The following UMAD1 variants were observed in gnomAD, a reference collection of about 807,000 sequenced individuals.
UMAD1 encodes the protein UBAP1-MVB12-associated (UMA)-domain containing protein 1.
In UMAD1, 8 loss-of-function variants were observed where a neutral mutation model predicts 6.1. That is an observed-to-expected ratio of 1.30 (90% CI 0.76 to 2.35). UMAD1 has a LOEUF of 2.35. Ranked by LOEUF, UMAD1 falls within the 30% of genes most tolerant of loss-of-function variation. UMAD1 has a pLI of 0.00. For synonymous variants in UMAD1, 56 were observed against 31.4 expected (o/e 1.78, Z -2.61); for missense variants, 130 against 78.4 (o/e 1.66, Z -2.49).
intron 2 of UMAD1, among the ~76,000 whole-genome samples, chr7:7,771,129 T>C (rs1782091624): frequency 1.3e-5 from 2 of 151,418 alleles, no homozygotes; most frequent in South Asian, 4.2e-4. Context: ...TGTTAGTTTT[T>C]TTTTTTTTCT....
At chr7:7,659,833 C>G (rs186841369) in intron 1 of UMAD1, among the ~76,000 whole-genome samples, 6 of 152,016 alleles carry the variant, frequency 3.9e-5, no homozygotes, top group Admixed American at 2.6e-4. Context: ...GGTCCAGAGC[C>G]AAGTTCAAGT....
At chr7:7,806,515 C>A (rs555054491) in intron 3 of UMAD1, among the ~76,000 whole-genome samples, 1 of 152,124 alleles carries the variant, frequency 6.6e-6, no homozygotes, top group Non-Finnish European at 1.5e-5. Flanking sequence ...CATAAATGCC[C>A]TGTCAATGAT....
At chr7:7,721,850 A>G (rs549718742) in intron 2 of UMAD1, among the ~76,000 whole-genome samples, 3 of 152,160 alleles carry the variant, frequency 2.0e-5, no homozygotes, top group African/African-American at 4.8e-5. Context: ...TTCAAAGGAG[A>G]TTAATATTTG....
At chr7:7,824,509 T>A (rs759505123) in intron 3 of UMAD1, among the ~76,000 whole-genome samples, 3 of 152,172 alleles carry the variant, frequency 2.0e-5, no homozygotes, top group Admixed American at 6.6e-5. Flanking sequence ...TAGGTATCAT[T>A]CCCTGTGTGA....
intron 2 of UMAD1, among the ~76,000 whole-genome samples, chr7:7,758,640 C>G (rs188292789): frequency 6.6e-6 from 1 of 152,044 alleles, no homozygotes; most frequent in Non-Finnish European, 1.5e-5. Context: ...TTTAAAGTAC[C>G]GTTTTACTTA....
intron 3 of UMAD1, among the ~76,000 whole-genome samples, chr7:7,828,368 T>G (rs1184959608): frequency 1.3e-5 from 2 of 152,202 alleles, no homozygotes; most frequent in African/African-American, 2.4e-5. Context: ...CTCAGAAAGG[T>G]GAAAGTTTGA....
At chr7:7,760,488 A>G (rs1289040684) in intron 2 of UMAD1, among the ~76,000 whole-genome samples, 2 of 151,430 alleles carry the variant, frequency 1.3e-5, no homozygotes, top group South Asian at 4.1e-4. Context: ...TTATACACCA[A>G]TAGATAACTG....
intron 3 of UMAD1, among the ~76,000 whole-genome samples, chr7:7,806,725 TA>T (rs1197800444): frequency 6.6e-6 from 1 of 152,206 alleles, no homozygotes; most frequent in East Asian, 1.9e-4. Context: ...AAAAGTTTAA[TA>T]AATTCAGTTA....
At chr7:7,784,176 A>G (rs1040662139) in intron 2 of UMAD1, among the ~76,000 whole-genome samples, 39 of 152,118 alleles carry the variant, frequency 2.6e-4, no homozygotes, top group African/African-American at 9.2e-4. Flanking sequence ...GGAACTTTTT[A>G]AACTCTCTTT....
intron 3 of UMAD1, among the ~76,000 whole-genome samples, chr7:7,817,965 C>T (rs1783165062): frequency 6.6e-6 from 1 of 152,124 alleles, no homozygotes; most frequent in Non-Finnish European, 1.5e-5. Context: ...AGGCATGTGA[C>T]ACCAGGCTCA....
chr7:7,794,762 T>C (rs949927086), intron 2 of UMAD1, among the ~76,000 whole-genome samples: 10 of 152,132 alleles, frequency 6.6e-5, no homozygotes, highest in African/African-American at 2.4e-4. Context: ...TGCAAAGCTG[T>C]CTTTTGTGGG....
At chr7:7,866,988 A>G (rs943967999) in intron 3 of UMAD1, among the ~76,000 whole-genome samples, 3 of 152,182 alleles carry the variant, frequency 2.0e-5, no homozygotes, top group Non-Finnish European at 4.4e-5. Flanking sequence ...AGAAAAGTCA[A>G]TAGGACTCAG....
intron 2 of UMAD1, among the ~76,000 whole-genome samples, chr7:7,716,637 A>G (rs888962073): frequency 4.6e-5 from 7 of 152,242 alleles, no homozygotes; most frequent in Non-Finnish European, 1.5e-5. Context: ...CCATCTGCCT[A>G]GTAAAAGATT....
At chr7:7,782,495 T>C (rs942121971) in intron 2 of UMAD1, among the ~76,000 whole-genome samples, 3 of 152,106 alleles carry the variant, frequency 2.0e-5, no homozygotes, top group Admixed American at 6.5e-5. Context: ...GCATAGATAA[T>C]AAAATAATTT....
At chr7:7,728,657 A>C (rs1381981900) in intron 2 of UMAD1, among the ~76,000 whole-genome samples, 1 of 152,026 alleles carries the variant, frequency 6.6e-6, no homozygotes, top group Non-Finnish European at 1.5e-5. Flanking sequence ...AAAAAAAAAA[A>C]AAACACCTAT....
At chr7:7,717,413 C>T (rs543737128) in intron 2 of UMAD1, among the ~76,000 whole-genome samples, 2 of 152,312 alleles carry the variant, frequency 1.3e-5, no homozygotes, top group East Asian at 3.9e-4. Context: ...TGTGTGTCCT[C>T]GTCCTTCAGT....
At chr7:7,690,463 G>A (rs1780147188) in intron 2 of UMAD1, among the ~76,000 whole-genome samples, 1 of 151,888 alleles carries the variant, frequency 6.6e-6, no homozygotes, top group Non-Finnish European at 1.5e-5. Flanking sequence ...GAGTTTTAAA[G>A]GTAATGAAAA....
intron 3 of UMAD1, among the ~76,000 whole-genome samples, chr7:7,834,618 A>C (rs1227450954): frequency 6.6e-6 from 1 of 152,112 alleles, no homozygotes; most frequent in East Asian, 1.9e-4. Flanking sequence ...GTGTCTTCAC[A>C]GGCAGAGAAA....
chr7:7,655,708 G>C (rs1193954927), intron 1 of UMAD1, among the ~76,000 whole-genome samples: 2 of 152,066 alleles, frequency 1.3e-5, no homozygotes, highest in African/African-American at 4.8e-5. Flanking sequence ...TTACATTTAG[G>C]GGACGAATGA....
Sources: allele counts gnomAD v4.1 joint callset (sites outside exome capture counted in the v4.1 genomes callset), GRCh38; gene constraint gnomAD v4.1.1; transcripts MANE v1.5; gene names NCBI Gene and HGNC (gene_info 2026-07-23, HGNC 2026-07-21).